Variants in AKAIN1 observed in about 807,000 individuals in gnomAD.
The protein encoded by AKAIN1 is A-kinase anchor inhibitor 1.
Under a neutral mutation model 3.7 loss-of-function variants are expected in AKAIN1, and 3 were observed. That is an observed-to-expected ratio of 0.82 (90% CI 0.37 to 2.12). The LOEUF (loss-of-function observed/expected upper bound fraction) is 2.12, where lower values mean the gene tolerates loss of function less well. Among genes scored for constraint, AKAIN1 ranks in the 30% most tolerant of loss-of-function variants. The pLI is 0.06. For synonymous variants in AKAIN1, 31 were observed against 30.8 expected (o/e 1.01, Z -0.02); for missense variants, 82 against 82.7 (o/e 0.99, Z 0.03).
chr18:5,168,940 G>A (rs565793710), intron 1 of AKAIN1, among the ~76,000 whole-genome samples: 19 of 151,680 alleles, frequency 1.3e-4, no homozygotes, highest in Non-Finnish European at 2.5e-4. Context: ...AACTAAAGGA[G>A]GTGTTTTAGT....
chr18:5,155,816 G>A (rs1298319578), intron 1 of AKAIN1, among the ~76,000 whole-genome samples: 1 of 152,194 alleles, frequency 6.6e-6, no homozygotes, highest in African/African-American at 2.4e-5. Flanking sequence ...CCAGAGGCTT[G>A]CATACTTTCT....
At chr18:5,184,308 G>A (rs762260868) in intron 1 of AKAIN1, among the ~76,000 whole-genome samples, 5 of 151,732 alleles carry the variant, frequency 3.3e-5, no homozygotes, top group Non-Finnish European at 5.9e-5. Context: ...AAAGAAAGCC[G>A]GTCCTAGTCA....
chr18:5,149,606 T>G (rs2071069135), intron 1 of AKAIN1, among the ~76,000 whole-genome samples: 1 of 152,206 alleles, frequency 6.6e-6, no homozygotes, highest in Non-Finnish European at 1.5e-5. Context: ...CTCTCTGACT[T>G]TATGCATTCA....
At chr18:5,172,490 A>T (rs1452177169) in intron 1 of AKAIN1, among the ~76,000 whole-genome samples, 1 of 152,120 alleles carries the variant, frequency 6.6e-6, no homozygotes, top group Non-Finnish European at 1.5e-5. Flanking sequence ...CTCATCTTTG[A>T]TAATTAGTCA....
At chr18:5,159,019 A>G (rs112717312) in intron 1 of AKAIN1, among the ~76,000 whole-genome samples, 2,429 of 152,290 alleles carry the variant, frequency 0.016, 46 homozygotes, top group African/African-American at 0.051. Context: ...TCCCTATCCT[A>G]GTATATGTGG....
rs562023275 is a variant in AKAIN1 at position 5,152,460 on chromosome 18, A to T, written c.17-6705T>A. 3.6e-4 allele frequency among the ~76,000 whole-genome samples: 55 copies of T among 152,178 alleles called. 1 individual carries two copies. The Middle Eastern group carries it at 0.01, about 28-fold the overall frequency. ...AGCCCACTCCACACCCTTAAAATCCATAGCCCTAATCTCCTTGGGTAGACA... is the reference window on the plus strand; with the variant it reads ...AGCCCACTCCACACCCTTAAAATCCTTAGCCCTAATCTCCTTGGGTAGACA... On this transcript the variant is annotated intron_variant, in intron 1 of 1. Transcript: ENST00000434239.
At chr18:5,154,853 T>C (rs2071098232) in intron 1 of AKAIN1, among the ~76,000 whole-genome samples, 1 of 152,192 alleles carries the variant, frequency 6.6e-6, no homozygotes, top group Non-Finnish European at 1.5e-5. Context: ...TCAGCGGCGC[T>C]AGCCTGGCTC....
At chr18:5,166,134 T>C (rs2071166522) in intron 1 of AKAIN1, among the ~76,000 whole-genome samples, 1 of 152,078 alleles carries the variant, frequency 6.6e-6, no homozygotes, top group African/African-American at 2.4e-5. Flanking sequence ...AAGCATCTAT[T>C]AGTGTGAAGG....
intron 1 of AKAIN1, among the ~76,000 whole-genome samples, chr18:5,164,093 T>C (rs2071154618): frequency 6.6e-6 from 1 of 152,084 alleles, no homozygotes; most frequent in Admixed American, 6.6e-5. Flanking sequence ...GTGGAAAATA[T>C]TCTCTAACCA....
rs1293400267 is a variant in AKAIN1, at chr18:5,145,615, C to G, written c.157G>C (p.Asp53His). The G allele has an allele frequency of 1.3e-6, 2 of 1,551,552 alleles. No individual in the cohort carries two copies. The highest frequency in any genetic ancestry group is 2.7e-5 in the African/African-American group (2 of 73,038). The change falls in exon 2 of 2, where the codon GAC becomes CAC. Residue 53 changes from aspartate (D) to histidine (H), a missense_variant. Coordinates refer to ENST00000434239, the MANE Select transcript of AKAIN1 (RefSeq NM_001145194.2). The stretch of plus-strand genomic sequence containing the variant: ...TCCCCAACGCCCAGTTGGATGTGGT[C>G]CCGGTTGTCACTGATTCTCTCTTCT... ...RREERISDNRDHIQLGVGELT... is the reference protein window; with the variant it reads ...RREERISDNRHHIQLGVGELT...
At chr18:5,186,879 C>A (rs2071290535) in intron 1 of AKAIN1, among the ~76,000 whole-genome samples, 2 of 152,136 alleles carry the variant, frequency 1.3e-5, no homozygotes, top group South Asian at 4.1e-4. Flanking sequence ...AAATCAATAA[C>A]AAAAATTCAT....
chr18:5,189,344 G>A (rs1178534165), intron 1 of AKAIN1, among the ~76,000 whole-genome samples: 1 of 152,098 alleles, frequency 6.6e-6, no homozygotes, highest in Non-Finnish European at 1.5e-5. Flanking sequence ...TGATGACTTG[G>A]CCACAGCATT....
At chr18:5,151,329 C>T (rs1298912360) in intron 1 of AKAIN1, among the ~76,000 whole-genome samples, 1 of 152,102 alleles carries the variant, frequency 6.6e-6, no homozygotes, top group Non-Finnish European at 1.5e-5. Flanking sequence ...TCTGGAACTA[C>T]AGGAATTTTC....
chr18:5,160,200 C>T (rs1271436641), intron 1 of AKAIN1, among the ~76,000 whole-genome samples: 2 of 152,148 alleles, frequency 1.3e-5, no homozygotes, highest in East Asian at 3.9e-4. Flanking sequence ...AGCAAATTTG[C>T]ACTCTCCTCA....
intron 1 of AKAIN1, among the ~76,000 whole-genome samples, chr18:5,180,674 T>G (rs1357089975): frequency 6.6e-6 from 1 of 152,140 alleles, no homozygotes; most frequent in Non-Finnish European, 1.5e-5. Context: ...TGTAGGGAAC[T>G]TCATTCTAAA....
At chr18:5,183,905 G>A (rs1274307697) in intron 1 of AKAIN1, among the ~76,000 whole-genome samples, 7 of 151,950 alleles carry the variant, frequency 4.6e-5, no homozygotes, top group Admixed American at 6.6e-5. Flanking sequence ...TGTAACTCAC[G>A]GCTGAACAAG....
intron 1 of AKAIN1, among the ~76,000 whole-genome samples, chr18:5,150,029 G>A: frequency 6.6e-6 from 1 of 152,142 alleles, no homozygotes; most frequent in South Asian, 2.1e-4. Context: ...GGTTTATTCT[G>A]GCCCAATTTG....
chr18:5,192,619 T>C (rs1033188952), intron 1 of AKAIN1, among the ~76,000 whole-genome samples: 6 of 152,028 alleles, frequency 3.9e-5, no homozygotes, highest in Non-Finnish European at 5.9e-5. Flanking sequence ...AATTCCAGCC[T>C]CCAGAACTGT....
At chr18:5,160,580 G>GT (rs977255472) in intron 1 of AKAIN1, among the ~76,000 whole-genome samples, 10 of 151,986 alleles carry the variant, frequency 6.6e-5, no homozygotes, top group Non-Finnish European at 5.9e-5. Flanking sequence ...TCAAATCTGG[G>GT]TTTTTTTATT....
Sources: allele counts gnomAD v4.1 joint callset (sites outside exome capture counted in the v4.1 genomes callset), GRCh38; gene constraint gnomAD v4.1.1; transcripts MANE v1.5; gene names NCBI Gene and HGNC (gene_info 2026-07-23, HGNC 2026-07-21).